CCDC7: variants seen among roughly 807,000 people sequenced by gnomAD.
CCDC7 encodes the protein coiled-coil domain containing 7.
A neutral mutation model predicts 196.9 loss-of-function variants in CCDC7; 183 were observed. The observed-to-expected ratio is 0.93, with a 90% CI of 0.82 to 1.05. The LOEUF (loss-of-function observed/expected upper bound fraction) is 1.05. CCDC7 is among the 50% of genes least tolerant of loss of function. CCDC7 has a pLI of 0.00. For missense variants in CCDC7, 1,540 were observed against 1,482.2 expected (o/e 1.04, Z -0.64); for synonymous variants, 525 against 484.6 (o/e 1.08, Z -1.10).
At chr10:32,744,581 C>T (rs950100177) in intron 28 of CCDC7, among the ~76,000 whole-genome samples, 4 of 152,134 alleles carry the variant, frequency 2.6e-5, no homozygotes, top group Admixed American at 6.5e-5. Flanking sequence ...ATATGTTACA[C>T]ATCTCTTTAT....
At chr10:32,702,557 T>A (rs2078942142) in intron 24 of CCDC7, among the ~76,000 whole-genome samples, 1 of 152,174 alleles carries the variant, frequency 6.6e-6, no homozygotes, top group Admixed American at 6.5e-5. Context: ...AGAGCTGAGT[T>A]CAATTCCTGG....
At chr10:32,881,954 TC>T (rs1468845572), downstream of CCDC7, among the ~76,000 whole-genome samples, 2 of 152,080 alleles carry the variant, frequency 1.3e-5, no homozygotes, top group East Asian at 3.9e-4. Flanking sequence ...GACATAAAGC[TC>T]ATAAGCAACA....
chr10:32,554,377 C>T (rs965351097), intron 13 of CCDC7, among the ~76,000 whole-genome samples: 2 of 152,204 alleles, frequency 1.3e-5, no homozygotes, highest in African/African-American at 4.8e-5. Flanking sequence ...TCAGCTAGAA[C>T]TGCTTTTCCC....
intron 16 of CCDC7, among the ~76,000 whole-genome samples, chr10:32,576,868 G>A (rs1168060216): frequency 2.0e-5 from 3 of 152,030 alleles, no homozygotes; most frequent in Admixed American, 6.6e-5. Flanking sequence ...CCTTCATAGC[G>A]GGATGGATTT....
intron 18 of CCDC7, among the ~76,000 whole-genome samples, chr10:32,631,871 A>G (rs2064916741): frequency 1.3e-5 from 2 of 151,980 alleles, no homozygotes. Context: ...TATTTTTTTA[A>G]AAGTCATTCT....
intron 30 of CCDC7, among the ~76,000 whole-genome samples, chr10:32,812,303 A>G (rs2087335958): frequency 6.6e-6 from 1 of 152,088 alleles, no homozygotes; most frequent in Admixed American, 6.5e-5. Context: ...ATTATAAATA[A>G]GAAGGTTAAT....
At chr10:32,828,518 A>AGAGGAAGAGGAAGAGGAAGAG in intron 32 of CCDC7, among the ~76,000 whole-genome samples, 1 of 148,618 alleles carries the variant, frequency 6.7e-6, no homozygotes, top group African/African-American at 2.5e-5. Context: ...AAGAAGAAGA[A>AGAGGAAGAGGAAGAGGAAGAG]GAAGAAGAAG....
At chr10:32,714,638 A>T (rs1300307808) in intron 25 of CCDC7, among the ~76,000 whole-genome samples, 1 of 152,156 alleles carries the variant, frequency 6.6e-6, no homozygotes, top group Non-Finnish European at 1.5e-5. Flanking sequence ...CCCAACTGAG[A>T]TCCACTGGCT....
At chr10:32,816,226 G>C (rs1023992761) in intron 31 of CCDC7, among the ~76,000 whole-genome samples, 4 of 152,228 alleles carry the variant, frequency 2.6e-5, no homozygotes, top group African/African-American at 9.6e-5. Context: ...CGCCCATGGA[G>C]CCTCGCTCAT....
chr10:32,829,965 G>A (rs1213008516), intron 32 of CCDC7, among the ~76,000 whole-genome samples: 2 of 150,980 alleles, frequency 1.3e-5, no homozygotes, highest in African/African-American at 2.4e-5. Context: ...GATGCTTCCT[G>A]CCCTCAAACA....
intron 32 of CCDC7, among the ~76,000 whole-genome samples, chr10:32,828,498 GAAGAAGAAGAAGAAGAAGAA>G (rs2091669797): frequency 8.9e-6 from 1 of 112,720 alleles, no homozygotes; most frequent in Non-Finnish European, 1.8e-5. Context: ...AGAAGAAGAA[GAAGAAGAAGAAGAAGAAGAA>G]GAAGAAGAAG....
At chr10:32,643,570 C>T (rs1402984250) in intron 20 of CCDC7, among the ~76,000 whole-genome samples, 1 of 151,680 alleles carries the variant, frequency 6.6e-6, no homozygotes, top group Non-Finnish European at 1.5e-5. Flanking sequence ...TCTACCCAAT[C>T]CATGTTTACT....
At chr10:32,703,164 T>C (rs1275602557) in intron 24 of CCDC7, among the ~76,000 whole-genome samples, 1 of 152,160 alleles carries the variant, frequency 6.6e-6, no homozygotes, top group East Asian at 1.9e-4. Context: ...GGTTGTTCCT[T>C]TTCATGTTTA....
At chr10:32,539,643 G>A (rs574653976) in intron 11 of CCDC7, among the ~76,000 whole-genome samples, 1 of 151,984 alleles carries the variant, frequency 6.6e-6, no homozygotes, top group South Asian at 2.1e-4. Flanking sequence ...TTCATGTTGG[G>A]CATTTAGTGT....
intron 41 of CCDC7, among the ~76,000 whole-genome samples, chr10:32,858,735 G>C (rs2093855066): frequency 6.6e-6 from 1 of 151,938 alleles, no homozygotes; most frequent in East Asian, 1.9e-4. Context: ...TATTTTCCAA[G>C]CAAATGGAAA....
rs2091116004 is a variant in CCDC7, at chr10:32,845,111, T to C, written c.3353-132T>C. 5 of 504,528 alleles carry C rather than the reference T, an allele frequency of 9.9e-6. No individual in the cohort carries two copies. The Admixed American group carries it at 1.1e-4, about 11-fold the overall frequency. 31.3% of individuals were successfully genotyped at this position (504,528 alleles called of 1,614,324 possible). Reference sequence around the variant, plus strand: ...ATTAAGTATGAACCTTTAATGACAATAGTACCAATATGTTAGTATTATATA... The same window carrying C: ...ATTAAGTATGAACCTTTAATGACAACAGTACCAATATGTTAGTATTATATA... On this transcript the variant is annotated intron_variant, in intron 33 of 41. Transcript: ENST00000639629.
At chr10:32,728,848 T>C (rs2083490744) in intron 26 of CCDC7, 39 bp from the exon 28 acceptor site, 1 of 1,138,728 alleles carries the variant, frequency 8.8e-7, no homozygotes, top group South Asian at 1.5e-5. Context: ...CATAGATTTA[T>C]GTTTCCATTT....
intron 20 of CCDC7, among the ~76,000 whole-genome samples, chr10:32,635,844 T>C (rs372717379): frequency 3.9e-4 from 60 of 152,198 alleles, no homozygotes; most frequent in African/African-American, 1.4e-3. Flanking sequence ...TTTTTGTCTT[T>C]TAATTAGCTC....
At chr10:32,663,629 A>G (rs918546290) in intron 20 of CCDC7, among the ~76,000 whole-genome samples, 1 of 152,106 alleles carries the variant, frequency 6.6e-6, no homozygotes, top group African/African-American at 2.4e-5. Flanking sequence ...TAAATATTGT[A>G]GTTGATAATA....
Sources: allele counts gnomAD v4.1 joint callset (sites outside exome capture counted in the v4.1 genomes callset), GRCh38; gene constraint gnomAD v4.1.1; transcripts MANE v1.5; gene names NCBI Gene and HGNC (gene_info 2026-07-23, HGNC 2026-07-21).